SNTG2: variants seen among roughly 807,000 people sequenced by gnomAD.
The protein encoded by SNTG2 is gamma-2-syntrophin.
Under a neutral mutation model 70.9 loss-of-function variants are expected in SNTG2, and 74 were observed. That is an observed-to-expected ratio of 1.04 (90% CI 0.86 to 1.27). SNTG2 has a LOEUF of 1.27. SNTG2 is among the 50% of genes most tolerant of loss of function. The pLI is 0.00. For synonymous variants in SNTG2, 278 were observed against 273.8 expected, an observed-to-expected ratio of 1.02 and a Z score of -0.15; for missense variants, 717 against 690.7, an observed-to-expected ratio of 1.04 and a Z score of -0.43.
chr2:1,030,104 C>T (rs767200137), intron 1 of SNTG2, among the ~76,000 whole-genome samples: 15 of 152,200 alleles, frequency 9.9e-5, no homozygotes, highest in Non-Finnish European at 1.8e-4. Flanking sequence ...TCGGAAGTGA[C>T]CTTTCCTTCT....
chr2:1,031,640 C>T (rs1660845885), intron 1 of SNTG2, among the ~76,000 whole-genome samples: 1 of 149,394 alleles, frequency 6.7e-6, no homozygotes, highest in South Asian at 2.1e-4. Flanking sequence ...AAGCAATTCT[C>T]CTGCCTCAGC....
intron 4 of SNTG2, among the ~76,000 whole-genome samples, chr2:1,137,249 G>T (rs771356840): frequency 1.3e-5 from 2 of 150,954 alleles, no homozygotes; most frequent in Non-Finnish European, 3.0e-5. Context: ...GCTCAGACTT[G>T]CAAATACCCG....
At chr2:1,186,656 CACACTTTTAATAA>C (rs1672272097) in intron 8 of SNTG2, among the ~76,000 whole-genome samples, 1 of 152,038 alleles carries the variant, frequency 6.6e-6, no homozygotes, top group African/African-American at 2.4e-5. Context: ...GGAGGTGCTA[CACACTTTTAATAA>C]ACCAGATCTC....
intron 4 of SNTG2, among the ~76,000 whole-genome samples, chr2:1,105,646 C>G (rs951016486): frequency 1.3e-5 from 2 of 152,206 alleles, no homozygotes; most frequent in East Asian, 3.9e-4. Context: ...TGGTTCAGTA[C>G]TGAGGATACC....
At chr2:1,071,024 GC>G (rs1386840821) in intron 1 of SNTG2, among the ~76,000 whole-genome samples, 1 of 152,166 alleles carries the variant, frequency 6.6e-6, no homozygotes, top group Non-Finnish European at 1.5e-5. Flanking sequence ...CTGGGGGGTG[GC>G]CACACTCGAC....
intron 6 of SNTG2, among the ~76,000 whole-genome samples, chr2:1,141,782 G>A (rs1165588976): frequency 5.1e-4 from 2 of 3,948 alleles, no homozygotes; most frequent in African/African-American, 5.5e-4. Flanking sequence ...GTTCAGCTCT[G>A]TACTCAGGGG....
Position 968,298 on chromosome 2 carries a change from A to C in SNTG2, c.72+17230A>C, listed in dbSNP as rs77992853. Among the ~76,000 whole-genome samples the C allele has an allele frequency of 3.4e-5, 5 of 147,590 alleles. No individual in the cohort carries two copies. In the East Asian group the frequency reaches 9.7e-4, roughly 29 times the overall value. Reference sequence around the variant, plus strand: ...GTTTGCAATATTTCTTATGTGTTTAAAGTCTATAGGTTCTGTGGTGATGCC... The same window carrying C: ...GTTTGCAATATTTCTTATGTGTTTACAGTCTATAGGTTCTGTGGTGATGCC... On this transcript the variant is annotated intron_variant, in intron 1 of 16. Coordinates refer to ENST00000308624, the MANE Select transcript of SNTG2 (RefSeq NM_018968.4).
At chr2:1,251,618 C>T (rs1473826644) in intron 12 of SNTG2, among the ~76,000 whole-genome samples, 3 of 147,588 alleles carry the variant, frequency 2.0e-5, no homozygotes, top group African/African-American at 7.5e-5. Flanking sequence ...GCACACACCA[C>T]ACACACCGCA....
chr2:1,196,497 A>G (rs28696005), intron 8 of SNTG2, among the ~76,000 whole-genome samples: 33,380 of 152,142 alleles, frequency 0.22, 4,558 homozygotes, highest in African/African-American at 0.4. Context: ...CTGGCAAAAG[A>G]TTTAGACATC....
At chr2:1,190,888 A>C (rs1672553049) in intron 8 of SNTG2, among the ~76,000 whole-genome samples, 1 of 152,132 alleles carries the variant, frequency 6.6e-6, no homozygotes. Context: ...AATTAGTGCA[A>C]CCACTTTGAA....
At chr2:1,008,429 A>G (rs1234588948) in intron 1 of SNTG2, among the ~76,000 whole-genome samples, 1 of 152,088 alleles carries the variant, frequency 6.6e-6, no homozygotes, top group Non-Finnish European at 1.5e-5. Flanking sequence ...TTTTTTTGAG[A>G]TGCGCAAAAA....
At chr2:1,228,475 C>T (rs1419050512) in intron 9 of SNTG2, among the ~76,000 whole-genome samples, 1 of 152,186 alleles carries the variant, frequency 6.6e-6, no homozygotes, top group Non-Finnish European at 1.5e-5. Context: ...CAGGCTCTTG[C>T]CCACCTTGGA....
chr2:1,120,171 C>G (rs1667293193), intron 4 of SNTG2, among the ~76,000 whole-genome samples: 2 of 151,920 alleles, frequency 1.3e-5, no homozygotes. Flanking sequence ...ATATTCCAAA[C>G]AAGAAAATAA....
chr2:1,101,193 C>T (rs1320277884), intron 4 of SNTG2, among the ~76,000 whole-genome samples: 2 of 152,202 alleles, frequency 1.3e-5, no homozygotes, highest in African/African-American at 4.8e-5. Context: ...AGATTTCCCA[C>T]CCAGAGCCTG....
intron 1 of SNTG2, among the ~76,000 whole-genome samples, chr2:1,012,657 T>G (rs1419142394): frequency 7.7e-6 from 1 of 130,408 alleles, no homozygotes; most frequent in Non-Finnish European, 1.7e-5. Flanking sequence ...GTAGAGGGAT[T>G]TATAAGGGCA....
At chr2:1,272,277 A>G (rs917951954) in intron 14 of SNTG2, among the ~76,000 whole-genome samples, 2 of 151,438 alleles carry the variant, frequency 1.3e-5, no homozygotes, top group African/African-American at 4.9e-5. Flanking sequence ...ATCCTCAGGC[A>G]TTAGGTTCTC....
At chr2:1,199,120 A>G (rs868793776) in intron 8 of SNTG2, among the ~76,000 whole-genome samples, 4 of 151,072 alleles carry the variant, frequency 2.6e-5, no homozygotes, top group African/African-American at 9.7e-5. Context: ...ACACAGACAC[A>G]AAAACCCTCA....
At chr2:1,359,947 C>G (rs1475958385) in intron 16 of SNTG2, among the ~76,000 whole-genome samples, 3 of 151,988 alleles carry the variant, frequency 2.0e-5, no homozygotes, top group Non-Finnish European at 4.4e-5. Flanking sequence ...TTACCAAAAA[C>G]AAGCAAACAA....
chr2:1,108,988 A>T lies in SNTG2; in HGVS notation c.325+10578A>T, dbSNP rs4971450. Among the ~76,000 whole-genome samples, 91 of 11,906 alleles carry T rather than the reference A, an allele frequency of 7.6e-3. 4 individuals are homozygous for T. Among genetic ancestry groups the T allele is most frequent in the African/African-American group, 0.021 (83 of 4,036 alleles). 7.8% of individuals were successfully genotyped at this position (11,906 alleles called of 152,430 possible). A position where few individuals can be genotyped will look rare whatever the true frequency, so the allele number is the denominator to read the frequency against. ...AGAGCTCCTTGGTAAGAGTGGACAC[A>T]TGCTGTCACTCGGGTGCAGGGTATG... On this transcript the variant is annotated intron_variant, in intron 4 of 16. Transcript: ENST00000308624.
Sources: gnomAD v4.1 joint callset for allele counts (sites outside exome capture counted in the v4.1 genomes callset) on GRCh38, gnomAD v4.1.1 for gene constraint, MANE v1.5 for transcripts, NCBI Gene and HGNC (gene_info 2026-07-23, HGNC 2026-07-21) for gene names.